PPP1R18: variants seen among roughly 807,000 people sequenced by gnomAD.
The protein encoded by PPP1R18 is phostensin.
PPP1R18 carries 31 observed loss-of-function variants against 54.8 expected under a neutral mutation model. The observed-to-expected ratio is 0.57, with a 90% CI of 0.43 to 0.76. PPP1R18 has a LOEUF of 0.76. Ranked by LOEUF, PPP1R18 falls within the 30% of genes least tolerant of loss-of-function variation. The pLI is 0.00. For synonymous variants in PPP1R18, 310 were observed against 320.2 expected (o/e 0.97, Z 0.34); for missense variants, 685 against 776.1 (o/e 0.88, Z 1.39).
chr6:30,681,305 C>T (rs773425994), intron 1 of PPP1R18, among the ~76,000 whole-genome samples: 6 of 152,022 alleles, frequency 3.9e-5, no homozygotes, highest in Non-Finnish European at 8.8e-5. Flanking sequence ...AAAATATCCC[C>T]ATGGCTCTGA....
In PPP1R18 at chr6:30,684,323, CAG is replaced by C. The variant is rs987553184; in HGVS notation, c.1611+83_1611+84del. ...GAAAGAATAGAGGAAGACAAGAAAA[CAG>C]GGGTATAAAAAAGAAAGAGACCAGA... is the stretch of plus-strand genomic sequence containing the variant. On this transcript the variant is annotated intron_variant, in intron 1 of 2. Coordinates refer to ENST00000274853, the MANE Select transcript of PPP1R18 (RefSeq NM_133471.4). The surrounding 1 kb of genome is among the most constrained non-coding windows in gnomAD (Gnocchi z 6.0). 4.4e-5 allele frequency: 58 copies of C among 1,330,508 alleles called. No individual in the cohort carries two copies. The highest frequency in any genetic ancestry group is 5.2e-5 in the Non-Finnish European group (51 of 979,820). 82.4% of individuals were successfully genotyped at this position (1,330,508 alleles called of 1,614,324 possible).
chr6:30,677,146 A>C lies in PPP1R18; in HGVS notation c.*123T>G. On this transcript the variant is annotated 3_prime_UTR_variant, in exon 3 of 3. Transcript: ENST00000274853. The stretch of plus-strand genomic sequence containing the variant: ...AGAAACAGGGTGGGGAAAGCAAGTT[A>C]CAAGATGTTGGTTGCCCTTCCCTGC... 1.1e-6 allele frequency: 1 copy of C among 926,144 alleles called. No individual in the cohort carries two copies. Among genetic ancestry groups the C allele is most frequent in the Non-Finnish European group, 1.8e-6 (1 of 556,418 alleles). 57.4% of individuals were successfully genotyped at this position (926,144 alleles called of 1,614,324 possible). A position where few individuals can be genotyped will look rare whatever the true frequency, so the allele number is the denominator to read the frequency against.
chr6:30,685,620 G>C lies in PPP1R18; in HGVS notation c.399C>G (p.Ser133Arg). ...CTTCTCTTGACTCTCTTCCCTTGGG[G>C]CTCTGATCCCGCATCTCCCCAGGGC... ...RPSPGEMRDQ[S>R]PKGRESREER... Residue 133 changes from serine (S) to arginine (R), a missense_variant, in exon 1 of 3, where the codon AGC becomes AGG. Coordinates refer to ENST00000274853, the MANE Select transcript of PPP1R18 (RefSeq NM_133471.4). The surrounding 1 kb of genome is among the most constrained non-coding windows in gnomAD (Gnocchi z 5.0). 3.7e-6 allele frequency: 6 copies of C among 1,613,002 alleles called. No homozygotes were observed. Among genetic ancestry groups the C allele is most frequent in the Non-Finnish European group, 5.1e-6 (6 of 1,179,992 alleles).
In PPP1R18 at chr6:30,676,988, C is replaced by T; in HGVS notation, c.*281G>A. The T allele has an allele frequency of 1.7e-6, 1 of 598,994 alleles. No individual in the cohort carries two copies. The highest frequency in any genetic ancestry group is 1.9e-5 in the South Asian group (1 of 53,824). 37.1% of individuals were successfully genotyped at this position (598,994 alleles called of 1,614,324 possible). On this transcript the variant is annotated 3_prime_UTR_variant, in exon 3 of 3. Coordinates refer to ENST00000274853, the MANE Select transcript of PPP1R18 (RefSeq NM_133471.4). ...GGGGCAGGTGCTCCATCTCCACCCT[C>T]CAGGGAGTTCTGTGCCCCTTCTCAG...
intron 1 of PPP1R18, among the ~76,000 whole-genome samples, chr6:30,681,039 C>T (rs1376587067): frequency 1.3e-5 from 2 of 149,360 alleles, no homozygotes; most frequent in Non-Finnish European, 3.0e-5. Flanking sequence ...GAGCCGAGGT[C>T]GCGCCACTGC....
At chr6:30,682,948 G>T (rs990678111) in intron 1 of PPP1R18, among the ~76,000 whole-genome samples, 1 of 152,146 alleles carries the variant, frequency 6.6e-6, no homozygotes. Flanking sequence ...CACCTCACCC[G>T]GGTAGCATTT....
chr6:30,679,444 C>T, intron 1 of PPP1R18, 55 bp from the exon 2 acceptor site: 6 of 165,002 alleles, frequency 3.6e-5, no homozygotes, highest in Non-Finnish European at 5.3e-5. Flanking sequence ...GAGAAGCCCG[C>T]GGGGGTTGAG....
chr6:30,684,376 T>C lies in PPP1R18; in HGVS notation c.1611+32A>G. 1.3e-6 allele frequency: 2 copies of C among 1,504,424 alleles called. No individual in the cohort carries two copies. The highest frequency in any genetic ancestry group is 1.8e-6 in the Non-Finnish European group (2 of 1,125,206). The allele number at this position is 1,504,424 out of a possible 1,614,324, so 93.2% of individuals were successfully genotyped here. ...GTCCAGAGAAAATTGACAAGTGGAC[T>C]TCTAAGAAGTCTGGCTTGGCTGCTT... On this transcript the variant is annotated intron_variant, in intron 1 of 2. Transcript: ENST00000274853. This position sits in a 1 kb window ranked among gnomAD's most constrained non-coding sequence, Gnocchi z 6.0.
At chr6:30,680,591 G>T (rs1162295514) in intron 1 of PPP1R18, among the ~76,000 whole-genome samples, 6 of 152,124 alleles carry the variant, frequency 3.9e-5, no homozygotes, top group Non-Finnish European at 1.5e-5. Context: ...CACTTTGGGA[G>T]GTTGAGGCGG....
chr6:30,680,715 T>C (rs1432012134), intron 1 of PPP1R18, among the ~76,000 whole-genome samples: 2 of 151,604 alleles, frequency 1.3e-5, no homozygotes, highest in Non-Finnish European at 2.9e-5. Flanking sequence ...CATGGGAAGG[T>C]AGAACTCAGG....
Position 30,685,241 on chromosome 6 carries a change from C to T in PPP1R18, c.778G>A (p.Glu260Lys). Reference protein sequence around the residue: ...EQSLVQLEATEWRLRSGEERQ... With the variant: ...EQSLVQLEATKWRLRSGEERQ... ...TCTTCTCCTGACCTCAGCCTCCACT[C>T]TGTTGCCTCCAGTTGTACCAAACTC... The change falls in exon 1 of 3, where the codon GAG becomes AAG. Residue 260 changes from glutamate (E) to lysine (K), a missense_variant. Physicochemically the swap from Glu to Lys is moderately conservative, Grantham distance 56. Transcript: ENST00000274853. This position sits in a 1 kb window ranked among gnomAD's most constrained non-coding sequence, Gnocchi z 5.0. 6.2e-7 allele frequency: 1 copy of T among 1,613,106 alleles called. No homozygotes were observed. The highest frequency in any genetic ancestry group is 8.5e-7 in the Non-Finnish European group (1 of 1,180,026).
Position 30,684,789 on chromosome 6 carries a change from A to C in PPP1R18, c.1230T>G (p.Thr410=), listed in dbSNP as rs781397084. 5.2e-5 allele frequency: 83 copies of C among 1,605,566 alleles called. No homozygotes were observed. Among genetic ancestry groups the C allele is most frequent in the Middle Eastern group, 5.0e-4 (3 of 5,970 alleles). The change falls in exon 1 of 3, where the codon ACT becomes ACG. Residue 410 remains threonine, a synonymous_variant. Coordinates refer to ENST00000274853, the MANE Select transcript of PPP1R18 (RefSeq NM_133471.4). The surrounding 1 kb of genome is among the most constrained non-coding windows in gnomAD (Gnocchi z 6.0). ...CCTCTTCCTGCTGTCTCAGGCCTCC[A>C]GTCCCAGCGTCCTCTGGTGGGAGGG... is the stretch of plus-strand genomic sequence containing the variant. ...PSPLPPEDAG[T]GGLRQQEEEA...
Position 30,677,211 on chromosome 6 carries a change from G to A in PPP1R18, c.*58C>T. On this transcript the variant is annotated 3_prime_UTR_variant, in exon 3 of 3. Coordinates refer to ENST00000274853, the MANE Select transcript of PPP1R18 (RefSeq NM_133471.4). ...GGGTCTGTCTGCCCTGAATCTTCCG[G>A]GCTCCAGGATCTTCAGTTATAAGAA... 1 of 1,518,506 alleles carries A rather than the reference G, an allele frequency of 6.6e-7. No homozygotes were observed. Among genetic ancestry groups the A allele is most frequent in the Non-Finnish European group, 9.1e-7 (1 of 1,095,092 alleles). The allele number at this position is 1,518,506 out of a possible 1,614,324, so 94.1% of individuals were successfully genotyped here.
rs1386277855 is a variant in PPP1R18 at position 30,685,028 on chromosome 6, C to A, written c.991G>T (p.Gly331Trp). Residue 331 changes from glycine to tryptophan, a missense_variant, in exon 1 of 3, where the codon GGG (glycine) becomes TGG (tryptophan). Coordinates refer to ENST00000274853, the MANE Select transcript of PPP1R18 (RefSeq NM_133471.4). This position sits in a 1 kb window ranked among gnomAD's most constrained non-coding sequence, Gnocchi z 5.0. ...DGERGMKPTE[G>W]WKWTLNSGKA... ...CCGGAGTTCAGGGTCCATTTCCACC[C>A]TTCTGTTGGCTTCATGCCCCTCTCG... 3.1e-6 allele frequency: 5 copies of A among 1,613,082 alleles called. No homozygotes were observed. The Admixed American group carries it at 5.0e-5, about 16-fold the overall frequency.
At position 30,679,215 on chromosome 6, in the gene PPP1R18, G is replaced by T; in HGVS notation, c.1786C>A (p.Leu596Ile). 6.3e-7 allele frequency: 1 copy of T among 1,587,224 alleles called. No individual in the cohort carries two copies. The highest frequency in any genetic ancestry group is 8.6e-7 in the Non-Finnish European group (1 of 1,168,752). ...EEELLLLQPELQGGLRTKALI... is the reference protein window; with the variant it reads ...EEELLLLQPEIQGGLRTKALI... ...GCCTTGGTGCGCAGCCCGCCCTGGA[G>T]CTCTGGCTGCAGCAGCAGCAGCTCT... Residue 596 changes from leucine (L) to isoleucine (I), a missense_variant, in exon 2 of 3, where the codon CTC (leucine) becomes ATC (isoleucine). Physicochemically the swap from Leu to Ile is conservative, Grantham distance 5 (BLOSUM62 2). Coordinates refer to ENST00000274853, the MANE Select transcript of PPP1R18 (RefSeq NM_133471.4).
chr6:30,678,940 T>G (rs1436995403), intron 2 of PPP1R18, among the ~76,000 whole-genome samples: 1 of 152,198 alleles, frequency 6.6e-6, no homozygotes, highest in Non-Finnish European at 1.5e-5. Context: ...CGACCCACCC[T>G]GTGATTTTGA....
intron 1 of PPP1R18, among the ~76,000 whole-genome samples, chr6:30,682,778 C>T (rs1770627912): frequency 2.0e-5 from 3 of 152,142 alleles, no homozygotes. Context: ...CCCCTGCTCT[C>T]TGGCCTAGGT....
chr6:30,685,872 G>A lies in PPP1R18; in HGVS notation c.147C>T (p.Ala49=), dbSNP rs762789878. 6.2e-7 allele frequency: 1 copy of A among 1,611,688 alleles called. No homozygotes were observed. Among genetic ancestry groups the A allele is most frequent in the Non-Finnish European group, 8.5e-7 (1 of 1,180,026 alleles). The change falls in exon 1 of 3, where the codon GCC becomes GCT. Residue 49 remains alanine (A), a synonymous_variant. Transcript: ENST00000274853. This position sits in a 1 kb window ranked among gnomAD's most constrained non-coding sequence, Gnocchi z 5.0. ...WKRGLLERRR[A]KLGLSPGEPS... is the part of the protein sequence containing the mutation. ...GCTCCCCAGGGGACAGCCCAAGCTT[G>A]GCCCGGCGGCGCTCCAGGAGCCCTC...
chr6:30,677,639 G>C (rs2127604077), intron 2 of PPP1R18, among the ~76,000 whole-genome samples: 1 of 152,156 alleles, frequency 6.6e-6, no homozygotes, highest in East Asian at 1.9e-4. Flanking sequence ...TTGAGGTCAG[G>C]AGTTCAAGAC....
Sources: allele counts gnomAD v4.1 joint callset (sites outside exome capture counted in the v4.1 genomes callset), GRCh38; gene constraint gnomAD v4.1.1; non-coding constraint Gnocchi (gnomAD v3.1); transcripts MANE v1.5; gene names NCBI Gene and HGNC (gene_info 2026-07-23, HGNC 2026-07-21).